The following PDE1A variants were observed in gnomAD, a reference collection of about 807,000 sequenced individuals.
PDE1A encodes dual specificity calcium/calmodulin-dependent 3',5'-cyclic nucleotide phosphodiesterase 1A.
Under a neutral mutation model 61.7 loss-of-function variants are expected in PDE1A, and 35 were observed. That is an observed-to-expected ratio of 0.57 (90% CI 0.43 to 0.75). The LOEUF (loss-of-function observed/expected upper bound fraction) is 0.75. Among genes scored for constraint, PDE1A ranks in the 30% least tolerant of loss-of-function variants. The pLI is 0.00. For synonymous variants in PDE1A, 232 were observed against 213.2 expected (o/e 1.09, Z -0.77); for missense variants, 597 against 630.6 (o/e 0.95, Z 0.57).
chr2:182,169,923 CACACA>C (rs1692012202), intron 13 of PDE1A, among the ~76,000 whole-genome samples: 1 of 27,390 alleles, frequency 3.7e-5, no homozygotes, highest in African/African-American at 8.8e-5. Context: ...CACACACACG[CACACA>C]CACACACACA....
the PDE1A span, among the ~76,000 whole-genome samples, chr2:182,603,593 G>A: frequency 3.3e-5 from 5 of 152,206 alleles, no homozygotes; most frequent in East Asian, 1.9e-4. Context: ...CAGGTGATCC[G>A]CCCACCTCGG....
intron 1 of PDE1A, among the ~76,000 whole-genome samples, chr2:182,318,820 T>C (rs866138764): frequency 6.6e-6 from 1 of 152,190 alleles, no homozygotes; most frequent in Non-Finnish European, 1.5e-5. Flanking sequence ...CTATATGATA[T>C]GAGCTCTTCT....
At chr2:182,712,996 C>T in the PDE1A span, among the ~76,000 whole-genome samples, 1 of 152,132 alleles carries the variant, frequency 6.6e-6, no homozygotes, top group East Asian at 1.9e-4. Context: ...TTTACATTCC[C>T]ATTTTGTTGA....
At chr2:182,684,883 T>C in the PDE1A span, among the ~76,000 whole-genome samples, 14 of 152,108 alleles carry the variant, frequency 9.2e-5, no homozygotes, top group Non-Finnish European at 1.9e-4. Flanking sequence ...TTAGGTTATA[T>C]TGGTGTCATT....
chr2:182,579,281 CACTT>C, the PDE1A span, among the ~76,000 whole-genome samples: 244 of 152,340 alleles, frequency 1.6e-3, 1 homozygote, highest in African/African-American at 5.6e-3. Flanking sequence ...GTCTGCTACT[CACTT>C]GCTTGCTACG....
chr2:182,608,807 A>G, the PDE1A span, among the ~76,000 whole-genome samples: 1 of 152,248 alleles, frequency 6.6e-6, no homozygotes, highest in African/African-American at 2.4e-5. Flanking sequence ...ACTGGCAGGC[A>G]GCTCCCCCTG....
chr2:182,243,386 A>G (rs192478386), intron 2 of PDE1A, among the ~76,000 whole-genome samples: 41 of 152,306 alleles, frequency 2.7e-4, no homozygotes, highest in Non-Finnish European at 4.4e-4. Context: ...GTTATAGGAA[A>G]GTCTGGGGGA....
At chr2:182,315,740 C>A (rs529222534) in intron 1 of PDE1A, among the ~76,000 whole-genome samples, 126 of 152,244 alleles carry the variant, frequency 8.3e-4, no homozygotes, top group African/African-American at 2.9e-3. Flanking sequence ...TGCTTTAGTG[C>A]CTGCCCAGAC....
intron 1 of PDE1A, among the ~76,000 whole-genome samples, chr2:182,284,174 T>C (rs1260402579): frequency 2.6e-5 from 4 of 152,124 alleles, no homozygotes; most frequent in Non-Finnish European, 5.9e-5. Flanking sequence ...GAGGCTGCAT[T>C]GTCCATGATT....
At chr2:182,575,820 CTT>C in the PDE1A span, among the ~76,000 whole-genome samples, 1 of 145,536 alleles carries the variant, frequency 6.9e-6, no homozygotes, top group African/African-American at 2.5e-5. Context: ...ATTACTTAGT[CTT>C]TGCTCCTCAT....
chr2:182,300,655 G>A (rs182568336), intron 1 of PDE1A, among the ~76,000 whole-genome samples: 1 of 152,168 alleles, frequency 6.6e-6, no homozygotes, highest in African/African-American at 2.4e-5. Flanking sequence ...GTCTAGAGAA[G>A]AAATAGTGGA....
chr2:182,488,994 T>C (rs999234810), intron 2 of PDE1A, among the ~76,000 whole-genome samples: 1 of 152,184 alleles, frequency 6.6e-6, no homozygotes, highest in Non-Finnish European at 1.5e-5. Context: ...ATAAATAGTA[T>C]GTCAGAAGGT....
At chr2:182,428,524 A>G (rs1006526338), upstream of PDE1A, among the ~76,000 whole-genome samples, 1 of 152,132 alleles carries the variant, frequency 6.6e-6, no homozygotes, top group Non-Finnish European at 1.5e-5. Context: ...CTTTATGATC[A>G]ATAAGTACCA....
At chr2:182,652,658 A>G in the PDE1A span, among the ~76,000 whole-genome samples, 3 of 152,118 alleles carry the variant, frequency 2.0e-5, no homozygotes, top group Non-Finnish European at 4.4e-5. Flanking sequence ...CCTATATTAA[A>G]TGCAATTCAT....
At chr2:182,627,977 A>G in the PDE1A span, among the ~76,000 whole-genome samples, 2 of 151,874 alleles carry the variant, frequency 1.3e-5, no homozygotes, top group African/African-American at 4.8e-5. Context: ...AAAAGAAAAG[A>G]AAGAAAAAAT....
At chr2:182,403,221 C>T (rs979012015) in intron 1 of PDE1A, among the ~76,000 whole-genome samples, 2 of 152,198 alleles carry the variant, frequency 1.3e-5, no homozygotes, top group African/African-American at 4.8e-5. Context: ...GACACATGCA[C>T]ACATATATTT....
the PDE1A span, among the ~76,000 whole-genome samples, chr2:182,574,210 G>A: frequency 1.3e-4 from 20 of 152,000 alleles, no homozygotes; most frequent in African/African-American, 4.1e-4. Context: ...CTTTATATCC[G>A]CTGGCAGCTG....
chr2:182,496,266 A>G (rs1688707585), intron 2 of PDE1A, among the ~76,000 whole-genome samples: 1 of 147,186 alleles, frequency 6.8e-6, no homozygotes, highest in African/African-American at 2.5e-5. Context: ...CAGCATTTAA[A>G]TACTACCAAA....
At chr2:182,267,587 T>TA (rs1161263728) in intron 1 of PDE1A, among the ~76,000 whole-genome samples, 1 of 152,032 alleles carries the variant, frequency 6.6e-6, no homozygotes, top group Non-Finnish European at 1.5e-5. Context: ...TCTATTTACA[T>TA]AAAAAGGAAA....
Sources: allele counts gnomAD v4.1 joint callset (sites outside exome capture counted in the v4.1 genomes callset), GRCh38; gene constraint gnomAD v4.1.1; transcripts MANE v1.5; gene names NCBI Gene and HGNC (gene_info 2026-07-23, HGNC 2026-07-21).